Variants in DAPK1 observed in about 807,000 individuals in gnomAD.
DAPK1 encodes death-associated protein kinase 1.
A neutral mutation model predicts 144.9 loss-of-function variants in DAPK1; 56 were observed. The ratio of observed to expected loss-of-function variants is 0.39; its 90% confidence interval spans 0.31 to 0.48. The LOEUF (loss-of-function observed/expected upper bound fraction) is 0.48, where lower values mean the gene tolerates loss of function less well. DAPK1 is among the 20% of genes least tolerant of loss of function. The pLI, the probability that DAPK1 is intolerant of heterozygous loss-of-function variation, is 0.95. For synonymous variants in DAPK1, 690 were observed against 749.0 expected (o/e 0.92, Z 1.29); for missense variants, 1,454 against 1,875.4 (o/e 0.78, Z 4.15).
At chr9:87,576,154 G>A (rs373385055) in intron 2 of DAPK1, among the ~76,000 whole-genome samples, 3 of 152,226 alleles carry the variant, frequency 2.0e-5, no homozygotes, top group African/African-American at 7.2e-5. Context: ...CTTCATACAC[G>A]TACACACACG....
At chr9:87,593,489 G>C (rs1828210630) in intron 2 of DAPK1, among the ~76,000 whole-genome samples, 1 of 152,166 alleles carries the variant, frequency 6.6e-6, no homozygotes, top group Non-Finnish European at 1.5e-5. Flanking sequence ...GTGAATATTG[G>C]AGGAGAGTAT....
chr9:87,531,530 G>A (rs913947311), intron 2 of DAPK1, among the ~76,000 whole-genome samples: 2 of 152,290 alleles, frequency 1.3e-5, no homozygotes, highest in East Asian at 1.9e-4. Flanking sequence ...AAAGACTGGC[G>A]TGTCTCAGAC....
chr9:87,674,380 T>G (rs1273681162), intron 19 of DAPK1, among the ~76,000 whole-genome samples: 1 of 151,340 alleles, frequency 6.6e-6, no homozygotes, highest in Non-Finnish European at 1.5e-5. Context: ...CCAGAGATGG[T>G]GGTGTGTGCC....
At position 87,681,309 on chromosome 9, in the gene DAPK1, A is replaced by T. The variant is rs956775949; in HGVS notation, c.2002-95A>T. 12 of 728,514 alleles carry T rather than the reference A, an allele frequency of 1.6e-5. No individual in the cohort carries two copies. The African/African-American group carries it at 1.9e-4, about 12-fold the overall frequency. 45.1% of individuals were successfully genotyped at this position (728,514 alleles called of 1,614,324 possible). On this transcript the variant is annotated intron_variant, in intron 19 of 25. Coordinates refer to ENST00000408954, the MANE Select transcript of DAPK1 (RefSeq NM_004938.4). ...AGAAAAAAAGAAACATATCTTCAGCATGGGTAAAAACTGCACACCGGGGAT... is the reference window on the plus strand; with the variant it reads ...AGAAAAAAAGAAACATATCTTCAGCTTGGGTAAAAACTGCACACCGGGGAT...
chr9:87,646,956 A>G (rs1354292602), intron 13 of DAPK1, among the ~76,000 whole-genome samples: 1 of 152,240 alleles, frequency 6.6e-6, no homozygotes, highest in Non-Finnish European at 1.5e-5. Context: ...CCTCTGCAGT[A>G]AGGGAATCCT....
At chr9:87,699,340 T>A (rs1439073730) in intron 23 of DAPK1, among the ~76,000 whole-genome samples, 1 of 152,228 alleles carries the variant, frequency 6.6e-6, no homozygotes, top group Non-Finnish European at 1.5e-5. Flanking sequence ...GAAACACTAA[T>A]CAGTATGTCT....
intron 2 of DAPK1, among the ~76,000 whole-genome samples, chr9:87,584,193 G>A (rs758458010): frequency 9.9e-5 from 15 of 152,088 alleles, no homozygotes; most frequent in Non-Finnish European, 2.1e-4. Context: ...TTTGTGGTGA[G>A]AACACTTTAC....
At position 87,668,694 on chromosome 9, in the gene DAPK1, G is replaced by A. The variant is rs777583877; in HGVS notation, c.2001+20G>A. ...CGAAAGGTGAGAAGTTCTGTTATAG[G>A]TCTGAAGTTCTCTACCTGTGTTTAT... On this transcript the variant is annotated intron_variant, in intron 19 of 25. Coordinates refer to ENST00000408954, the MANE Select transcript of DAPK1 (RefSeq NM_004938.4). 9.8e-7 allele frequency: 1 copy of A among 1,016,376 alleles called. No homozygotes were observed. Among genetic ancestry groups the A allele is most frequent in the East Asian group, 2.4e-5 (1 of 42,272 alleles). 63.0% of individuals were successfully genotyped at this position (1,016,376 alleles called of 1,614,324 possible).
intron 2 of DAPK1, among the ~76,000 whole-genome samples, chr9:87,556,251 T>C (rs1183452130): frequency 2.0e-5 from 3 of 152,328 alleles, no homozygotes; most frequent in African/African-American, 7.2e-5. Flanking sequence ...TCATTTAATC[T>C]TCACAACAGC....
At chr9:87,636,873 A>G (rs770155290) in intron 3 of DAPK1, among the ~76,000 whole-genome samples, 1 of 152,198 alleles carries the variant, frequency 6.6e-6, no homozygotes, top group Non-Finnish European at 1.5e-5. Flanking sequence ...ATTCATCGCT[A>G]TCGTGGAGTT....
intron 16 of DAPK1, among the ~76,000 whole-genome samples, chr9:87,651,065 C>G (rs1449654002): frequency 6.6e-6 from 1 of 152,226 alleles, no homozygotes; most frequent in Non-Finnish European, 1.5e-5. Flanking sequence ...CATGTTAAAT[C>G]TGCTTCTCAT....
chr9:87,705,341 A>T (rs1208564089), intron 25 of DAPK1, among the ~76,000 whole-genome samples: 1 of 149,704 alleles, frequency 6.7e-6, no homozygotes, highest in Non-Finnish European at 1.5e-5. Flanking sequence ...TCCTGGGTTC[A>T]AGTGATTCTG....
intron 20 of DAPK1, among the ~76,000 whole-genome samples, chr9:87,685,084 A>G (rs1824788025): frequency 6.6e-6 from 1 of 152,240 alleles, no homozygotes; most frequent in Non-Finnish European, 1.5e-5. Flanking sequence ...GATTAACAAT[A>G]TGCAGAGAAA....
chr9:87,610,993 C>T (rs1828902778), intron 3 of DAPK1, among the ~76,000 whole-genome samples: 1 of 150,244 alleles, frequency 6.7e-6, no homozygotes, highest in African/African-American at 2.5e-5. Flanking sequence ...CTAGCACATA[C>T]TTTGTAAGTA....
chr9:87,588,331 G>A (rs566989263), intron 2 of DAPK1, among the ~76,000 whole-genome samples: 62 of 152,260 alleles, frequency 4.1e-4, no homozygotes, highest in African/African-American at 1.4e-3. Context: ...TAGACACAGC[G>A]GTTCTATTCT....
At chr9:87,513,044 G>C (rs1292664408) in intron 2 of DAPK1, among the ~76,000 whole-genome samples, 1 of 152,212 alleles carries the variant, frequency 6.6e-6, no homozygotes, top group Non-Finnish European at 1.5e-5. Flanking sequence ...GACAAAATCT[G>C]AAAAGGAAAA....
intron 3 of DAPK1, among the ~76,000 whole-genome samples, chr9:87,625,583 G>C (rs1446957326): frequency 6.6e-6 from 1 of 152,174 alleles, no homozygotes; most frequent in African/African-American, 2.4e-5. Context: ...GACTTGCAGG[G>C]TCTTGGGTAG....
At position 87,686,451 on chromosome 9, in the gene DAPK1, G is replaced by C. The variant is rs1186151339; in HGVS notation, c.2225-100G>C. ...TGAAGCCAGAGTTGGGGTGGGGACA[G>C]AGGCGTGCTCCAGAAAAGGAAACCT... is the stretch of plus-strand genomic sequence containing the variant. On this transcript the variant is annotated intron_variant, in intron 20 of 25. Coordinates refer to ENST00000408954, the MANE Select transcript of DAPK1 (RefSeq NM_004938.4). This position sits in a 1 kb window ranked among gnomAD's most constrained non-coding sequence, Gnocchi z 4.2. 7 of 680,728 alleles carry C rather than the reference G, an allele frequency of 1.0e-5. No individual in the cohort carries two copies. The highest frequency in any genetic ancestry group is 1.8e-5 in the African/African-American group (1 of 56,938). 42.2% of individuals were successfully genotyped at this position (680,728 alleles called of 1,614,324 possible).
At chr9:87,620,016 C>T (rs36208747) in intron 3 of DAPK1, among the ~76,000 whole-genome samples, 2,092 of 150,606 alleles carry the variant, frequency 0.014, 39 homozygotes, top group African/African-American at 0.05. Flanking sequence ...CCCAGACAGA[C>T]GATGCTGTTG....
Sources: allele counts gnomAD v4.1 joint callset (sites outside exome capture counted in the v4.1 genomes callset), GRCh38; gene constraint gnomAD v4.1.1; non-coding constraint Gnocchi (gnomAD v3.1); transcripts MANE v1.5; gene names NCBI Gene and HGNC (gene_info 2026-07-23, HGNC 2026-07-21).